The following GABRE variants were observed in gnomAD, a reference collection of about 807,000 sequenced individuals.
GABRE encodes the protein gamma-aminobutyric acid receptor subunit epsilon.
A neutral mutation model predicts 31.0 loss-of-function variants in GABRE; 20 were observed. That is an observed-to-expected ratio of 0.64 (90% confidence interval 0.45 to 0.94). The LOEUF (loss-of-function observed/expected upper bound fraction) is 0.94, where lower values mean the gene tolerates loss of function less well. Ranked by LOEUF, GABRE falls within the 40% of genes least tolerant of loss-of-function variation. GABRE has a pLI of 0.00. For missense variants in GABRE, 420 were observed against 410.7 expected, an observed-to-expected ratio of 1.02 and a Z score of -0.20; for synonymous variants, 155 against 150.6, an observed-to-expected ratio of 1.03 and a Z score of -0.21.
At chrX:151,968,522 TG>T (rs1252807214) in intron 3 of GABRE, among the ~76,000 whole-genome samples, 1 of 111,724 alleles carries the variant, frequency 9.0e-6, no homozygotes, top group African/African-American at 3.3e-5. Flanking sequence ...AACTTAGCAT[TG>T]AGGGTCTATT....
At chrX:151,970,151 T>C (rs1451999208) in intron 2 of GABRE, 34 bp downstream of exon 2, 1 of 1,208,606 alleles carries the variant, frequency 8.3e-7, no homozygotes, top group Admixed American at 2.2e-5. Flanking sequence ...CCCTGGACCC[T>C]CTAGGAGGGG....
At position 151,955,402 on chromosome X, in the gene GABRE, T is replaced by G. The variant is rs760409209; in HGVS notation, c.1103A>C (p.Gln368Pro). 5.8e-6 allele frequency: 7 copies of G among 1,210,555 alleles called. No individual in the cohort carries two copies. The African/African-American group carries it at 1.0e-4, about 18-fold the overall frequency. Residue 368 changes from glutamine (Q) to proline (P), a missense_variant, in exon 8 of 9, where the codon CAG (glutamine) becomes CCG (proline). Gln to Pro is a moderately conservative substitution (Grantham distance 76). Coordinates refer to ENST00000370328, the MANE Select transcript of GABRE (RefSeq NM_004961.4). Reference protein sequence around the residue: ...FAVLNFLIYNQTKAHASPKLR... With the variant: ...FAVLNFLIYNPTKAHASPKLR... ...TTTAGGAGAAGCATGGGCTTTTGTC[T>G]GGTTGTAGATCAGGAAGTTGAGCAC...
rs1476006585 is a variant in GABRE, at chrX:151,953,635, C to A, written c.*1066G>T. On this transcript the variant is annotated 3_prime_UTR_variant, in exon 9 of 9. Transcript: ENST00000370328. ...GCTTTGCCAAAGTTCCAGTGCCATA[C>A]AAATTTAAGGGAATTTGATTGATTG... 4 of 112,384 alleles carry A rather than the reference C, an allele frequency of 3.6e-5. No homozygotes were observed. The highest frequency in any genetic ancestry group is 7.5e-5 in the Non-Finnish European group (4 of 53,304). 9.3% of individuals were successfully genotyped at this position (112,384 alleles called of 1,213,427 possible). A position where few individuals can be genotyped will look rare whatever the true frequency, so the allele number is the denominator to read the frequency against.
At chrX:151,971,193 G>C in intron 1 of GABRE, 3 of 670,202 alleles carry the variant, frequency 4.5e-6, no homozygotes, top group Non-Finnish European at 6.1e-6. Flanking sequence ...CAGTGACAAA[G>C]GGGGCTTCTG....
At chrX:151,966,305 C>T (rs1934522392) in intron 3 of GABRE, among the ~76,000 whole-genome samples, 1 of 111,906 alleles carries the variant, frequency 8.9e-6, no homozygotes, top group African/African-American at 3.2e-5. Flanking sequence ...TAGCAACTAT[C>T]GATGCTATGA....
chrX:151,967,210 G>A (rs999663747), intron 3 of GABRE, among the ~76,000 whole-genome samples: 1 of 112,251 alleles, frequency 8.9e-6, no homozygotes, highest in African/African-American at 3.2e-5. Flanking sequence ...GGTGGAGATT[G>A]ACATGCTAGA....
At chrX:151,958,857 C>T in intron 6 of GABRE, 1 of 261,858 alleles carries the variant, frequency 3.8e-6, no homozygotes, top group African/African-American at 2.8e-5. Context: ...CCCTCTGCCC[C>T]TGCCTAATAC....
intron 3 of GABRE, among the ~76,000 whole-genome samples, chrX:151,964,307 C>T (rs1317014014): frequency 8.9e-6 from 1 of 111,872 alleles, no homozygotes; most frequent in Non-Finnish European, 1.9e-5. Context: ...GACACCCTCC[C>T]TTTACCAGTG....
Position 151,970,249 on chromosome X carries a change from T to C in GABRE, c.210A>G (p.Glu70=), listed in dbSNP as rs780683511. Residue 70 remains glutamate (E), a synonymous_variant, in exon 2 of 9, where the codon GAA becomes GAG. Coordinates refer to ENST00000370328, the MANE Select transcript of GABRE (RefSeq NM_004961.4). ...GGATAGTGTTCAGGATGCGAGAGGC[T>C]TCTGGCAGTTTGCCAACTCTGCTCC... ...ETGSRVGKLP[E]ASRILNTILS... 1.7e-6 allele frequency: 2 copies of C among 1,212,068 alleles called. No homozygotes were observed. The highest frequency in any genetic ancestry group is 3.0e-5 in the East Asian group (1 of 33,847).
chrX:151,969,742 A>AG lies in GABRE; in HGVS notation c.275-7dup, dbSNP rs1279318356. On this transcript the variant is annotated splice_region_variant and splice_polypyrimidine_tract_variant and intron_variant, in intron 2 of 8. Transcript: ENST00000370328. ...AGTGACCACAGTGGGCTTCTCTATA[A>AG]GGGAAGCAGAAGCAGCAGAGGGTAA... 2.5e-6 allele frequency: 3 copies of AG among 1,209,294 alleles called. No homozygotes were observed. Among genetic ancestry groups the AG allele is most frequent in the Non-Finnish European group, 3.4e-6 (3 of 894,514 alleles).
At position 151,969,697 on chromosome X, in the gene GABRE, C is replaced by G; in HGVS notation, c.314G>C (p.Ser105Thr). Residue 105 changes from serine to threonine, a missense_variant, in exon 3 of 9, where the codon AGC becomes ACC. Coordinates refer to ENST00000370328, the MANE Select transcript of GABRE (RefSeq NM_004961.4). ...GTCTAGGATAGAGAGAGGACCAAGG[C>G]TGTTGACGGAGATCTCAACAGTGAC... ...TVVTVEISVN[S>T]LGPLSILDME... is the part of the protein sequence containing the mutation. 1 of 1,209,387 alleles carries G rather than the reference C, an allele frequency of 8.3e-7. No individual in the cohort carries two copies. Among genetic ancestry groups the G allele is most frequent in the Non-Finnish European group, 1.1e-6 (1 of 894,085 alleles).
Position 151,971,414 on chromosome X carries a change from G to A in GABRE, c.57-1012C>T. The A allele has an allele frequency of 1.2e-5, 3 of 248,786 alleles. No individual in the cohort carries two copies. In the South Asian group the frequency reaches 1.4e-4, roughly 11 times the overall value. 20.5% of individuals were successfully genotyped at this position (248,786 alleles called of 1,213,427 possible). On this transcript the variant is annotated intron_variant, in intron 1 of 8. Coordinates refer to ENST00000370328, the MANE Select transcript of GABRE (RefSeq NM_004961.4). Reference sequence around the variant, plus strand: ...AAAGCAAACTCTTGAAAAACAAACAGAAATCATTTATGACACAATAGGAGA... The same window carrying A: ...AAAGCAAACTCTTGAAAAACAAACAAAAATCATTTATGACACAATAGGAGA...
chrX:151,964,836 CAT>C (rs1934481034), intron 3 of GABRE, among the ~76,000 whole-genome samples: 1 of 111,593 alleles, frequency 9.0e-6, no homozygotes, highest in Admixed American at 9.5e-5. Flanking sequence ...TTGGGAGGCA[CAT>C]GTTTAAGGTT....
chrX:151,957,694 T>G, intron 6 of GABRE: 1 of 238,636 alleles, frequency 4.2e-6, no homozygotes, highest in South Asian at 4.6e-5. Flanking sequence ...TAACACACAC[T>G]TTCTTCTTCT....
At chrX:151,969,822 G>A in intron 2 of GABRE, 86 bp from the exon 3 acceptor site, 1 of 1,156,836 alleles carries the variant, frequency 8.6e-7, no homozygotes, top group Non-Finnish European at 1.2e-6. Flanking sequence ...GATGAAAGGG[G>A]AGTCAAGTAA....
At chrX:151,960,144 G>A (rs1934316857) in intron 5 of GABRE, among the ~76,000 whole-genome samples, 168 bp from the exon 6 acceptor site, 2 of 112,078 alleles carry the variant, frequency 1.8e-5, no homozygotes, top group African/African-American at 6.5e-5. Flanking sequence ...CAATGAGTGC[G>A]TTTACTGAGC....
chrX:151,974,547 C>T (rs1268011088), intron 1 of GABRE, 23 bp downstream of exon 1: 11 of 1,125,385 alleles, frequency 9.8e-6, no homozygotes, highest in Non-Finnish European at 1.3e-5. Flanking sequence ...GAAGGGCTCC[C>T]GGGTCCCGGG....
At chrX:151,955,241 CG>C in intron 8 of GABRE, 126 bp downstream of exon 8, 1 of 1,188,239 alleles carries the variant, frequency 8.4e-7, no homozygotes, top group African/African-American at 1.8e-5. Context: ...GATTCAACCC[CG>C]CCACCACCCT....
At chrX:151,967,250 T>C (rs1234789748) in intron 3 of GABRE, among the ~76,000 whole-genome samples, 2 of 112,304 alleles carry the variant, frequency 1.8e-5, no homozygotes, top group Non-Finnish European at 3.8e-5. Flanking sequence ...TTGTGGAAAT[T>C]AGACCGGTTA....
Sources: gnomAD v4.1 joint callset for allele counts (sites outside exome capture counted in the v4.1 genomes callset) on GRCh38, gnomAD v4.1.1 for gene constraint, MANE v1.5 for transcripts, NCBI Gene and HGNC (gene_info 2026-07-23, HGNC 2026-07-21) for gene names.